The following DOK6 variants were observed in gnomAD, a reference collection of about 807,000 sequenced individuals.
DOK6 encodes the protein docking protein 6, also known as downstream of tyrosine kinase 6.
Under a neutral mutation model 44.0 loss-of-function variants are expected in DOK6, and 22 were observed. The observed-to-expected ratio is 0.50, with a 90% CI of 0.36 to 0.71. The LOEUF (loss-of-function observed/expected upper bound fraction) is 0.71, where lower values mean the gene tolerates loss of function less well. DOK6 is among the 30% of genes least tolerant of loss of function. The pLI is 0.00. For synonymous variants in DOK6, 166 were observed against 145.5 expected (o/e 1.14, Z -1.01); for missense variants, 340 against 416.4 (o/e 0.82, Z 1.60).
chr18:69,463,186 A>C (rs1979833434), intron 1 of DOK6, among the ~76,000 whole-genome samples: 1 of 152,118 alleles, frequency 6.6e-6, no homozygotes, highest in South Asian at 2.1e-4. Context: ...GGAAGGGATG[A>C]GGGGTCTCTC....
intron 3 of DOK6, among the ~76,000 whole-genome samples, chr18:69,674,794 T>C (rs1406095163): frequency 6.6e-6 from 1 of 152,084 alleles, no homozygotes; most frequent in Non-Finnish European, 1.5e-5. Flanking sequence ...GAGCACCATA[T>C]ACTAAACCCA....
chr18:69,709,426 T>C (rs1986708581), intron 5 of DOK6, among the ~76,000 whole-genome samples: 1 of 152,192 alleles, frequency 6.6e-6, no homozygotes, highest in African/African-American at 2.4e-5. Flanking sequence ...TAAAAAAATA[T>C]GTTGATAGAT....
chr18:69,401,174 C>G lies in DOK6; in HGVS notation c.-71C>G. The G allele has an allele frequency of 6.8e-7, 1 of 1,466,098 alleles. No individual in the cohort carries two copies. 90.8% of individuals were successfully genotyped at this position (1,466,098 alleles called of 1,614,324 possible). A position where few individuals can be genotyped will look rare whatever the true frequency, so the allele number is the denominator to read the frequency against. On this transcript the variant is annotated 5_prime_UTR_variant, in exon 1 of 8. Transcript: ENST00000382713. The stretch of plus-strand genomic sequence containing the variant: ...CGGCTGGATGCGAGACCCGCGCAGA[C>G]CCGGCGGCGGACGGCGGCTCTCGAC...
At chr18:69,812,883 G>A (rs776818370) in intron 7 of DOK6, among the ~76,000 whole-genome samples, 13 of 152,090 alleles carry the variant, frequency 8.5e-5, no homozygotes, top group Admixed American at 1.3e-4. Context: ...CAGCATGGGG[G>A]AGAATGCCCC....
At chr18:69,612,977 GCTC>G (rs1288675782) in intron 3 of DOK6, among the ~76,000 whole-genome samples, 5 of 151,394 alleles carry the variant, frequency 3.3e-5, no homozygotes, top group Non-Finnish European at 7.4e-5. Flanking sequence ...CACCTCCCTG[GCTC>G]AGTCAATCCT....
intron 4 of DOK6, among the ~76,000 whole-genome samples, chr18:69,682,492 C>T (rs1417332893): frequency 6.6e-6 from 1 of 152,156 alleles, no homozygotes; most frequent in Non-Finnish European, 1.5e-5. Flanking sequence ...TCTCAACCTC[C>T]TTACACTTGC....
intron 7 of DOK6, among the ~76,000 whole-genome samples, chr18:69,766,768 T>A (rs1979730174): frequency 6.6e-6 from 1 of 152,158 alleles, no homozygotes; most frequent in African/African-American, 2.4e-5. Flanking sequence ...CATACTGTGT[T>A]GTTTAAGAGT....
chr18:69,735,762 G>A (rs1978585289), intron 5 of DOK6, among the ~76,000 whole-genome samples: 3 of 152,158 alleles, frequency 2.0e-5, no homozygotes, highest in Admixed American at 2.0e-4. Flanking sequence ...GGTATAGCAT[G>A]GCCCAAGGTC....
chr18:69,707,674 GACA>G (rs1599275905), intron 5 of DOK6, among the ~76,000 whole-genome samples: 1 of 152,258 alleles, frequency 6.6e-6, no homozygotes, highest in East Asian at 1.9e-4. Context: ...AGGCAATTAG[GACA>G]ACACTCACAT....
intron 5 of DOK6, among the ~76,000 whole-genome samples, chr18:69,733,802 C>G (rs1978500824): frequency 6.6e-6 from 1 of 152,132 alleles, no homozygotes; most frequent in South Asian, 2.1e-4. Context: ...TCATTCTTCA[C>G]TGTATACTAC....
chr18:69,824,064 C>CT (rs1981659169), intron 7 of DOK6, among the ~76,000 whole-genome samples: 1 of 144,090 alleles, frequency 6.9e-6, no homozygotes. Flanking sequence ...AAAAATTATA[C>CT]TTTAAGTTTT....
chr18:69,795,951 C>T (rs1297144623), intron 7 of DOK6, among the ~76,000 whole-genome samples: 1 of 150,912 alleles, frequency 6.6e-6, no homozygotes, highest in Non-Finnish European at 1.5e-5. Flanking sequence ...AACTGTGATC[C>T]GAGCTCATCC....
At chr18:69,807,080 T>A (rs1423713622) in intron 7 of DOK6, among the ~76,000 whole-genome samples, 1 of 151,936 alleles carries the variant, frequency 6.6e-6, no homozygotes, top group Non-Finnish European at 1.5e-5. Flanking sequence ...AACTTAGAGA[T>A]GTTCTAGGTC....
chr18:69,446,372 C>T (rs1418375869), intron 1 of DOK6, among the ~76,000 whole-genome samples: 1 of 151,974 alleles, frequency 6.6e-6, no homozygotes, highest in Non-Finnish European at 1.5e-5. Context: ...CATGTCCCTA[C>T]AAAGGACATG....
intron 1 of DOK6, among the ~76,000 whole-genome samples, chr18:69,418,571 C>T (rs7242009): frequency 0.53 from 80,261 of 151,868 alleles, 21,888 homozygotes; most frequent in South Asian, 0.68. Context: ...AGGTGATCCT[C>T]CTGACTCAGC....
At chr18:69,756,489 G>C (rs1979360004) in intron 6 of DOK6, among the ~76,000 whole-genome samples, 2 of 152,198 alleles carry the variant, frequency 1.3e-5, no homozygotes, top group South Asian at 2.1e-4. Flanking sequence ...TGGCACTTCT[G>C]TGACAAGACG....
chr18:69,419,956 G>A (rs923160899), intron 1 of DOK6, among the ~76,000 whole-genome samples: 9 of 152,146 alleles, frequency 5.9e-5, no homozygotes, highest in African/African-American at 2.2e-4. Flanking sequence ...TGATTGCAAT[G>A]TAAAGCCTGT....
At chr18:69,416,144 CGGAG>C (rs1428870565) in intron 1 of DOK6, among the ~76,000 whole-genome samples, 4 of 70,298 alleles carry the variant, frequency 5.7e-5, no homozygotes, top group Non-Finnish European at 1.1e-4. Context: ...GAGGGAGGGA[CGGAG>C]GGAGGGAGGG....
chr18:69,712,117 TA>T, intron 5 of DOK6, among the ~76,000 whole-genome samples: 1 of 148,750 alleles, frequency 6.7e-6, no homozygotes, highest in Admixed American at 6.7e-5. Flanking sequence ...CCGTCTCTAC[TA>T]AAAATACAAA....
Sources: allele counts gnomAD v4.1 joint callset (sites outside exome capture counted in the v4.1 genomes callset), GRCh38; gene constraint gnomAD v4.1.1; transcripts MANE v1.5; gene names NCBI Gene and HGNC (gene_info 2026-07-23, HGNC 2026-07-21).